Variants in GLRA3 observed in about 807,000 individuals in gnomAD.
GLRA3 encodes glycine receptor alpha 3.
In GLRA3, 44 loss-of-function variants were observed where a neutral mutation model predicts 60.4. The observed-to-expected ratio is 0.73, with a 90% CI of 0.57 to 0.94. GLRA3 has a LOEUF of 0.94. Among genes scored for constraint, GLRA3 ranks in the 40% least tolerant of loss-of-function variants. The pLI, the probability that GLRA3 is intolerant of heterozygous loss-of-function variation, is 0.00. For missense variants in GLRA3, 508 were observed against 564.6 expected (o/e 0.90, Z 1.02); for synonymous variants, 223 against 192.9 (o/e 1.16, Z -1.29).
chr4:174,654,846 C>A (rs558121990), intron 9 of GLRA3, among the ~76,000 whole-genome samples: 1 of 151,932 alleles, frequency 6.6e-6, no homozygotes, highest in African/African-American at 2.4e-5. Flanking sequence ...TGGTGCAGTG[C>A]GTAATCAGCA....
intron 3 of GLRA3, among the ~76,000 whole-genome samples, chr4:174,751,305 T>C (rs1002320707): frequency 2.0e-5 from 3 of 152,034 alleles, no homozygotes; most frequent in Non-Finnish European, 2.9e-5. Context: ...TGAGAACAAT[T>C]TTATCAAATA....
intron 2 of GLRA3, among the ~76,000 whole-genome samples, chr4:174,781,451 A>G (rs1738867645): frequency 7.0e-6 from 1 of 141,902 alleles, no homozygotes; most frequent in African/African-American, 2.6e-5. Context: ...AGAAGGCAAG[A>G]AATAACTAAA....
At chr4:174,763,048 T>G (rs1363013558) in intron 3 of GLRA3, among the ~76,000 whole-genome samples, 1 of 152,194 alleles carries the variant, frequency 6.6e-6, no homozygotes, top group Non-Finnish European at 1.5e-5. Context: ...ATTATGTTTA[T>G]GAGAAATATC....
chr4:174,739,782 A>C (rs1736943208), intron 3 of GLRA3, among the ~76,000 whole-genome samples: 1 of 152,186 alleles, frequency 6.6e-6, no homozygotes, highest in Non-Finnish European at 1.5e-5. Flanking sequence ...ACCGAAAAGG[A>C]AAGATGACTC....
intron 6 of GLRA3, among the ~76,000 whole-genome samples, chr4:174,681,024 G>T (rs772121972): frequency 4.6e-5 from 7 of 152,092 alleles, no homozygotes; most frequent in Non-Finnish European, 7.4e-5. Context: ...CTTGAATGAG[G>T]ACTCTATGAG....
At chr4:174,761,191 A>G (rs1022495929) in intron 3 of GLRA3, among the ~76,000 whole-genome samples, 11 of 152,124 alleles carry the variant, frequency 7.2e-5, no homozygotes, top group Admixed American at 1.3e-4. Context: ...AAATACTTCA[A>G]AAAGAATGTC....
At chr4:174,805,476 C>G (rs1269662698) in intron 1 of GLRA3, among the ~76,000 whole-genome samples, 1 of 152,076 alleles carries the variant, frequency 6.6e-6, no homozygotes, top group African/African-American at 2.4e-5. Flanking sequence ...GGGCTTCTAC[C>G]AGTAGGCTTC....
intron 5 of GLRA3, among the ~76,000 whole-genome samples, chr4:174,710,669 C>T (rs774313378): frequency 9.9e-5 from 15 of 152,012 alleles, no homozygotes; most frequent in Non-Finnish European, 1.9e-4. Context: ...GTTTCCTTTC[C>T]ATAACTATGA....
chr4:174,814,330 A>T (rs1293788215), intron 1 of GLRA3, among the ~76,000 whole-genome samples: 1 of 152,114 alleles, frequency 6.6e-6, no homozygotes, highest in Non-Finnish European at 1.5e-5. Context: ...AAGGGGATGA[A>T]GTGGGAAGGC....
At chr4:174,740,355 G>A (rs1352980205) in intron 3 of GLRA3, among the ~76,000 whole-genome samples, 3 of 152,102 alleles carry the variant, frequency 2.0e-5, no homozygotes, top group Non-Finnish European at 4.4e-5. Context: ...AAACCCCAGA[G>A]AAACTACACT....
At chr4:174,790,285 C>T (rs1366714699) in intron 1 of GLRA3, among the ~76,000 whole-genome samples, 3 of 152,054 alleles carry the variant, frequency 2.0e-5, no homozygotes, top group African/African-American at 4.8e-5. Flanking sequence ...CATGTGACTT[C>T]GTGATCCTTT....
At chr4:174,706,302 A>T (rs565653898) in intron 5 of GLRA3, among the ~76,000 whole-genome samples, 1 of 152,184 alleles carries the variant, frequency 6.6e-6, no homozygotes, top group African/African-American at 2.4e-5. Context: ...GCTATCGATA[A>T]ATCTTCAGGA....
intron 7 of GLRA3, among the ~76,000 whole-genome samples, chr4:174,668,068 C>G (rs1353598200): frequency 1.3e-5 from 2 of 152,048 alleles, no homozygotes; most frequent in Non-Finnish European, 2.9e-5. Context: ...GTGTGTGGCA[C>G]CTTCCCTTTC....
In GLRA3 at chr4:174,753,118, C is replaced by G. The variant is rs530618433; in HGVS notation, c.267+13845G>C. Among the ~76,000 whole-genome samples, 7 of 152,284 alleles carry G rather than the reference C, an allele frequency of 4.6e-5. No homozygotes were observed. In the South Asian group the frequency reaches 1.4e-3, roughly 32 times the overall value. ...AAGGAATCTTTCAGTTTCTCATTGA[C>G]TTCCTAAGTAACAAGGAAGGCTTAA... On this transcript the variant is annotated intron_variant, in intron 3 of 9. Coordinates refer to ENST00000274093, the MANE Select transcript of GLRA3 (RefSeq NM_006529.4).
chr4:174,791,477 C>G (rs1384013516), intron 1 of GLRA3, among the ~76,000 whole-genome samples: 1 of 152,160 alleles, frequency 6.6e-6, no homozygotes, highest in Non-Finnish European at 1.5e-5. Context: ...AAACGAATAC[C>G]AACCTTCTAT....
chr4:174,674,963 CA>C (rs1734058038), intron 7 of GLRA3, among the ~76,000 whole-genome samples: 2 of 152,110 alleles, frequency 1.3e-5, no homozygotes. Flanking sequence ...TGGTCTCATC[CA>C]ATAGATTAAT....
rs140179196 is a variant in GLRA3, at chr4:174,659,769, C to T, written c.928-572G>A. Among the ~76,000 whole-genome samples the T allele has an allele frequency of 3.0e-3, 452 of 151,980 alleles. 1 individual carries two copies. The highest frequency in any genetic ancestry group is 0.01 in the African/African-American group (417 of 41,450). ...GGTGGATCACCTGAGGTCAAGAGTT[C>T]GAGACCAGCCTAGCCAACATTGTGA... On this transcript the variant is annotated intron_variant, in intron 7 of 9. Coordinates refer to ENST00000274093, the MANE Select transcript of GLRA3 (RefSeq NM_006529.4).
At position 174,640,439 on chromosome 4, in the gene GLRA3, C is replaced by T. The variant is rs370405675; in HGVS notation, c.*3347G>A. On this transcript the variant is annotated 3_prime_UTR_variant, in exon 10 of 10. Coordinates refer to ENST00000274093, the MANE Select transcript of GLRA3 (RefSeq NM_006529.4). ...GCTGCCAGTATAATATTCAGTCCTCCCAAGTAACCAGCAGGTTGAAGTATG... is the reference window on the plus strand; with the variant it reads ...GCTGCCAGTATAATATTCAGTCCTCTCAAGTAACCAGCAGGTTGAAGTATG... The T allele has an allele frequency of 6.6e-6, 1 of 151,854 alleles. No homozygotes were observed. Among genetic ancestry groups the T allele is most frequent in the Admixed American group, 6.6e-5 (1 of 15,208 alleles). 9.4% of individuals were successfully genotyped at this position (151,854 alleles called of 1,614,324 possible).
At chr4:174,786,818 C>T (rs930311405) in intron 2 of GLRA3, among the ~76,000 whole-genome samples, 86 of 152,154 alleles carry the variant, frequency 5.7e-4, no homozygotes, top group African/African-American at 1.9e-3. Context: ...ATGTTCAGAG[C>T]ACAAGATATT....
Sources: allele counts gnomAD v4.1 joint callset (sites outside exome capture counted in the v4.1 genomes callset), GRCh38; gene constraint gnomAD v4.1.1; transcripts MANE v1.5; gene names NCBI Gene and HGNC (gene_info 2026-07-23, HGNC 2026-07-21).